CDK6: variants seen among roughly 807,000 people sequenced by gnomAD.
CDK6 encodes cyclin-dependent kinase 6.
Under a neutral mutation model 37.1 loss-of-function variants are expected in CDK6, and 6 were observed. The ratio of observed to expected loss-of-function variants is 0.16; its 90% CI spans 0.09 to 0.32. CDK6 has a LOEUF of 0.32. Ranked by LOEUF, CDK6 falls within the 10% of genes least tolerant of loss-of-function variation. CDK6 has a pLI of 1.00. For missense variants in CDK6, 224 were observed against 418.9 expected, an observed-to-expected ratio of 0.53 and a Z score of 4.06; for synonymous variants, 160 against 161.3, an observed-to-expected ratio of 0.99 and a Z score of 0.06.
At chr7:92,806,223 C>T (rs547561669) in intron 2 of CDK6, among the ~76,000 whole-genome samples, 2 of 152,144 alleles carry the variant, frequency 1.3e-5, no homozygotes, top group East Asian at 3.9e-4. Context: ...GTGAGATAAA[C>T]CTAGATAGTT....
At chr7:92,742,682 C>CT (rs138117373) in intron 3 of CDK6, among the ~76,000 whole-genome samples, 14,381 of 151,506 alleles carry the variant, frequency 0.095, 791 homozygotes, top group South Asian at 0.22. Context: ...TTTGTAAACT[C>CT]TTTTTTTTCT....
intron 4 of CDK6, among the ~76,000 whole-genome samples, chr7:92,688,581 T>TCACACACACACACACA (rs35953301): frequency 1.6e-4 from 20 of 127,578 alleles, no homozygotes; most frequent in Non-Finnish European, 2.8e-4. Context: ...TACATATACA[T>TCACACACACACACACA]CACACACACA....
chr7:92,711,556 T>C (rs1350723996), intron 4 of CDK6, among the ~76,000 whole-genome samples: 1 of 101,720 alleles, frequency 9.8e-6, no homozygotes, highest in African/African-American at 5.0e-5. Context: ...GGTCAAATTT[T>C]TTTTTTTTTT....
chr7:92,611,189 A>T lies in CDK6; in HGVS notation c.*3951T>A. The T allele has an allele frequency of 4.4e-6, 1 of 227,074 alleles. No individual in the cohort carries two copies. The highest frequency in any genetic ancestry group is 5.7e-5 in the Admixed American group (1 of 17,610). 14.1% of individuals were successfully genotyped at this position (227,074 alleles called of 1,614,324 possible). A position where few individuals can be genotyped will look rare whatever the true frequency, so the allele number is the denominator to read the frequency against. ...TATGAATAATTTTTAAAGCCTTAGA[A>T]ATCATACATCTTTATCTGTCACAAT... On this transcript the variant is annotated 3_prime_UTR_variant, in exon 8 of 8. Transcript: ENST00000424848.
intron 3 of CDK6, among the ~76,000 whole-genome samples, chr7:92,736,129 G>C (rs897953242): frequency 6.6e-6 from 1 of 151,742 alleles, no homozygotes; most frequent in Non-Finnish European, 1.5e-5. Flanking sequence ...ATCTATTTTT[G>C]AGAAAATGAC....
chr7:92,833,391 C>T lies in CDK6; in HGVS notation c.-68G>A. ...GGGGGTGCGCTCAACTAGCTGGCGG[C>T]CGCCGCTCGCCTACTCCGGGGCTCC... On this transcript the variant is annotated 5_prime_UTR_variant, in exon 2 of 8. Coordinates refer to ENST00000424848, the MANE Select transcript of CDK6 (RefSeq NM_001145306.2). The surrounding 1 kb of genome is among the most constrained non-coding windows in gnomAD (Gnocchi z 6.1). 1 of 1,098,870 alleles carries T rather than the reference C, an allele frequency of 9.1e-7. No individual in the cohort carries two copies. Among genetic ancestry groups the T allele is most frequent in the Non-Finnish European group, 1.3e-6 (1 of 783,744 alleles). 68.1% of individuals were successfully genotyped at this position (1,098,870 alleles called of 1,614,324 possible). A position where few individuals can be genotyped will look rare whatever the true frequency, so the allele number is the denominator to read the frequency against.
intron 4 of CDK6, among the ~76,000 whole-genome samples, chr7:92,679,506 C>T (rs762716355): frequency 7.9e-5 from 12 of 152,166 alleles, no homozygotes; most frequent in Non-Finnish European, 1.3e-4. Flanking sequence ...AATGGTTTAT[C>T]AGGAATATAA....
At chr7:92,783,409 CT>C (rs995485861) in intron 2 of CDK6, among the ~76,000 whole-genome samples, 1 of 152,146 alleles carries the variant, frequency 6.6e-6, no homozygotes, top group African/African-American at 2.4e-5. Context: ...CACAGAAATC[CT>C]TTGTATTTAA....
At chr7:92,689,673 T>C (rs1797555494) in intron 4 of CDK6, among the ~76,000 whole-genome samples, 1 of 152,246 alleles carries the variant, frequency 6.6e-6, no homozygotes, top group South Asian at 2.1e-4. Context: ...CTGGATTGAA[T>C]GGTACTTCTG....
At chr7:92,796,796 A>G (rs546452630) in intron 2 of CDK6, among the ~76,000 whole-genome samples, 31 of 152,262 alleles carry the variant, frequency 2.0e-4, no homozygotes, top group African/African-American at 7.2e-4. Flanking sequence ...AAATACCACT[A>G]TCAAGTCATG....
chr7:92,836,243 C>G (rs936437378), intron 1 of CDK6, among the ~76,000 whole-genome samples: 2 of 151,702 alleles, frequency 1.3e-5, no homozygotes, highest in African/African-American at 4.8e-5. Flanking sequence ...ATCTCCCCCT[C>G]TCATCAGATA....
intron 5 of CDK6, among the ~76,000 whole-genome samples, chr7:92,661,809 G>T (rs1201147966): frequency 1.3e-5 from 2 of 152,144 alleles, no homozygotes; most frequent in African/African-American, 2.4e-5. Context: ...GTATATAAGT[G>T]GACCTGTGTA....
At chr7:92,635,884 C>T (rs1273120858) in intron 5 of CDK6, among the ~76,000 whole-genome samples, 1 of 152,088 alleles carries the variant, frequency 6.6e-6, no homozygotes, top group Non-Finnish European at 1.5e-5. Context: ...TAGGTGAGGA[C>T]TATGGCTGAG....
At chr7:92,624,319 T>C (rs1359189140) in intron 5 of CDK6, among the ~76,000 whole-genome samples, 2 of 152,118 alleles carry the variant, frequency 1.3e-5, no homozygotes, top group African/African-American at 4.8e-5. Flanking sequence ...AAACAAGTAA[T>C]TAAAATAAGA....
In CDK6 at chr7:92,815,521, T is replaced by C. The variant is rs369012803; in HGVS notation, c.233+17570A>G. 3.3e-5 allele frequency among the ~76,000 whole-genome samples: 5 copies of C among 152,254 alleles called. No homozygotes were observed. In the East Asian group the frequency reaches 5.8e-4, roughly 18 times the overall value. ...ACAACTGCTTTCAGATATTGGACTA[T>C]AGGTAGTAGAGGACTGTGATCCCTG... On this transcript the variant is annotated intron_variant, in intron 2 of 7. Coordinates refer to ENST00000424848, the MANE Select transcript of CDK6 (RefSeq NM_001145306.2).
In CDK6 at chr7:92,618,090, T is replaced by C. The variant is rs1795720246; in HGVS notation, c.816A>G (p.Leu272=). Residue 272 remains leucine, a synonymous_variant, in exon 7 of 8, where the codon CTA becomes CTG. Coordinates refer to ENST00000424848, the MANE Select transcript of CDK6 (RefSeq NM_001145306.2). ...AACTTACCAGAAGTAGGTCTTTGCC[T>C]AGTTCATCGATATCTGTTACAAACT... ...IEKFVTDIDE[L]GKDLLLKCLT... 1.2e-6 allele frequency: 2 copies of C among 1,614,014 alleles called. No homozygotes were observed. The highest frequency in any genetic ancestry group is 1.1e-5 in the South Asian group (1 of 91,078).
At position 92,774,799 on chromosome 7, in the gene CDK6, T is replaced by A. The variant is rs1284606692; in HGVS notation, c.266A>T (p.Asp89Val). The change falls in exon 3 of 8, where the codon GAC (aspartate) becomes GTC (valine). Residue 89 changes from aspartate (D) to valine (V), a missense_variant. Physicochemically the swap from Asp to Val is radical, Grantham distance 152. Around this residue, in one of 5 missense-constraint regions of CDK6, gnomAD observed 82 missense variants for 202.1 expected, o/e 0.41. Transcript: ENST00000424848. ...CACTAAAGTTAGTTTGGTTTCTCTG[T>A]CTGTTCGTGACACTGTGCACACATC... ...LFDVCTVSRT[D>V]RETKLTLVFE... The A allele has an allele frequency of 6.2e-7, 1 of 1,612,414 alleles. No homozygotes were observed. The highest frequency in any genetic ancestry group is 1.3e-5 in the African/African-American group (1 of 74,814).
intron 4 of CDK6, among the ~76,000 whole-genome samples, chr7:92,704,351 A>G (rs1006811865): frequency 6.6e-6 from 1 of 152,176 alleles, no homozygotes; most frequent in African/African-American, 2.4e-5. Context: ...AGAACTCAAG[A>G]GGTAGACATA....
At chr7:92,657,035 TTTGG>T (rs1414001839) in intron 5 of CDK6, among the ~76,000 whole-genome samples, 9 of 152,248 alleles carry the variant, frequency 5.9e-5, no homozygotes, top group African/African-American at 2.2e-4. Flanking sequence ...TCTCTGTTTC[TTTGG>T]GTCTTCATTT....
Sources: gnomAD v4.1 joint callset for allele counts (sites outside exome capture counted in the v4.1 genomes callset) on GRCh38, gnomAD v4.1.1 for gene constraint, gnomAD v4.1.1 regional missense constraint, Gnocchi (gnomAD v3.1) non-coding constraint, MANE v1.5 for transcripts, NCBI Gene and HGNC (gene_info 2026-07-23, HGNC 2026-07-21) for gene names.